Variants in FGF12 observed in about 807,000 individuals in gnomAD.
The protein encoded by FGF12 is fibroblast growth factor 12B.
Under a neutral mutation model 23.6 loss-of-function variants are expected in FGF12, and 14 were observed. The observed-to-expected ratio is 0.59, with a 90% confidence interval of 0.39 to 0.93. The LOEUF is 0.93. Among genes scored for constraint, FGF12 ranks in the 40% least tolerant of loss-of-function variants. The pLI is 0.00. For missense variants in FGF12, 175 were observed against 217.8 expected (o/e 0.80, Z 1.24); for synonymous variants, 62 against 77.3 (o/e 0.80, Z 1.04).
chr3:192,486,219 A>G (rs183134532), intron 2 of FGF12, among the ~76,000 whole-genome samples: 47 of 152,296 alleles, frequency 3.1e-4, no homozygotes, highest in African/African-American at 1.1e-3. Flanking sequence ...CTGGAGTTAT[A>G]TATCAATGAG....
At chr3:192,200,109 G>A (rs1717285380) in intron 4 of FGF12, among the ~76,000 whole-genome samples, 2 of 151,496 alleles carry the variant, frequency 1.3e-5, no homozygotes, top group South Asian at 2.1e-4. Flanking sequence ...CTGAGCTCAG[G>A]AGTTTGTGAC....
rs1050891667 is a variant in FGF12, at chr3:192,439,790, G to C, written c.14-79252C>G. On this transcript the variant is annotated intron_variant, in intron 2 of 5. Transcript: ENST00000445105. ...AGGAGTTCAAGACCAGCCTGGCAAA[G>C]ATGGTGAAACCCCGTCTCTACTAAA... Among the ~76,000 whole-genome samples, 44 of 152,090 alleles carry C rather than the reference G, an allele frequency of 2.9e-4. 1 individual carries two copies. Among genetic ancestry groups the C allele is most frequent in the Admixed American group, 2.6e-3 (40 of 15,282 alleles).
At chr3:192,716,928 G>A (rs1349927381) in intron 2 of FGF12, among the ~76,000 whole-genome samples, 2 of 152,156 alleles carry the variant, frequency 1.3e-5, no homozygotes, top group Non-Finnish European at 2.9e-5. Context: ...CAATGTGAGG[G>A]TTAGAAAAAG....
At chr3:192,442,459 G>A (rs1393283051) in intron 2 of FGF12, among the ~76,000 whole-genome samples, 1 of 152,222 alleles carries the variant, frequency 6.6e-6, no homozygotes, top group Non-Finnish European at 1.5e-5. Context: ...AGACTAAGAT[G>A]TTGGTGAGTC....
At chr3:192,340,247 G>A (rs746829452) in intron 3 of FGF12, among the ~76,000 whole-genome samples, 4 of 151,964 alleles carry the variant, frequency 2.6e-5, no homozygotes, top group Middle Eastern at 3.4e-3. Flanking sequence ...CCCTATTCCT[G>A]GATCCAGACT....
At chr3:192,192,820 A>G (rs571539066) in intron 4 of FGF12, among the ~76,000 whole-genome samples, 2 of 152,336 alleles carry the variant, frequency 1.3e-5, no homozygotes, top group East Asian at 3.9e-4. Context: ...CATATAATAC[A>G]TCAGCGCATA....
At chr3:192,327,675 A>G (rs1394288567) in intron 4 of FGF12, among the ~76,000 whole-genome samples, 1 of 151,774 alleles carries the variant, frequency 6.6e-6, no homozygotes, top group Non-Finnish European at 1.5e-5. Flanking sequence ...TTGCCTAGTT[A>G]TGCGTTCTAG....
intron 2 of FGF12, among the ~76,000 whole-genome samples, chr3:192,530,789 G>A (rs774159494): frequency 6.6e-6 from 1 of 152,076 alleles, no homozygotes; most frequent in East Asian, 1.9e-4. Flanking sequence ...CACATTAAAA[G>A]GGTAAATTTT....
chr3:192,343,894 A>G (rs1252472160), intron 3 of FGF12, among the ~76,000 whole-genome samples: 1 of 152,188 alleles, frequency 6.6e-6, no homozygotes, highest in East Asian at 1.9e-4. Context: ...TAACCCTCTA[A>G]AACAGCATTT....
chr3:192,459,248 C>T lies in FGF12; in HGVS notation c.14-98710G>A, dbSNP rs189851055. Reference sequence around the variant, plus strand: ...TAAATTATCAAATACTGGAGTTGCTCGATTTCACCAACTTAGTTAAGTTAG... The same window carrying T: ...TAAATTATCAAATACTGGAGTTGCTTGATTTCACCAACTTAGTTAAGTTAG... On this transcript the variant is annotated intron_variant, in intron 2 of 5. Coordinates refer to ENST00000445105, the MANE Select transcript of FGF12 (RefSeq NM_004113.6). Among the ~76,000 whole-genome samples, 244 of 152,280 alleles carry T rather than the reference C, an allele frequency of 1.6e-3. 1 individual carries two copies. The highest frequency in any genetic ancestry group is 5.5e-3 in the African/African-American group (227 of 41,556).
intron 2 of FGF12, among the ~76,000 whole-genome samples, chr3:192,411,947 A>C (rs1180433584): frequency 6.6e-6 from 1 of 150,782 alleles, no homozygotes; most frequent in Non-Finnish European, 1.5e-5. Flanking sequence ...GAATGAATAA[A>C]ATATGGCCGG....
At chr3:192,200,871 T>C (rs2108661416) in intron 4 of FGF12, among the ~76,000 whole-genome samples, 1 of 151,420 alleles carries the variant, frequency 6.6e-6, no homozygotes, top group East Asian at 1.9e-4. Context: ...AGTAATAGGC[T>C]CCCATTAGAA....
chr3:192,214,746 A>G (rs1718103508), intron 4 of FGF12, among the ~76,000 whole-genome samples: 1 of 152,270 alleles, frequency 6.6e-6, no homozygotes, highest in Non-Finnish European at 1.5e-5. Context: ...TGTCTTAAAT[A>G]TCAACATTAG....
intron 4 of FGF12, among the ~76,000 whole-genome samples, chr3:192,196,318 C>A (rs534772410): frequency 6.6e-6 from 1 of 152,176 alleles, no homozygotes; most frequent in African/African-American, 2.4e-5. Flanking sequence ...CAAATATTAC[C>A]TTAAAAATTG....
intron 2 of FGF12, among the ~76,000 whole-genome samples, chr3:192,636,214 T>C (rs1715577250): frequency 6.6e-6 from 1 of 152,222 alleles, no homozygotes; most frequent in Non-Finnish European, 1.5e-5. Context: ...TCACCCTAGA[T>C]TGTCAGTTCT....
At chr3:192,167,769 A>ATATATATATATATATATATAT (rs1553845519) in intron 5 of FGF12, among the ~76,000 whole-genome samples, 6 of 38,854 alleles carry the variant, frequency 1.5e-4, no homozygotes, top group African/African-American at 2.9e-4. Context: ...ATATATATAT[A>ATATATATATATATATATATAT]AAATTTTTTT....
chr3:192,653,121 T>C (rs567300420), intron 2 of FGF12, among the ~76,000 whole-genome samples: 10 of 152,310 alleles, frequency 6.6e-5, no homozygotes, highest in Non-Finnish European at 1.0e-4. Context: ...AACACCTATG[T>C]CATATTTAAG....
At chr3:192,223,206 T>G (rs1180141495) in intron 4 of FGF12, among the ~76,000 whole-genome samples, 2 of 152,166 alleles carry the variant, frequency 1.3e-5, no homozygotes, top group Admixed American at 6.6e-5. Context: ...CTAGGAAACT[T>G]ACAGTGACTA....
intron 2 of FGF12, among the ~76,000 whole-genome samples, chr3:192,417,617 A>G (rs1721397596): frequency 6.6e-6 from 1 of 152,154 alleles, no homozygotes; most frequent in African/African-American, 2.4e-5. Context: ...ATCACCTTTG[A>G]TCTCTGATAG....
Sources: allele counts gnomAD v4.1 joint callset (sites outside exome capture counted in the v4.1 genomes callset), GRCh38; gene constraint gnomAD v4.1.1; transcripts MANE v1.5; gene names NCBI Gene and HGNC (gene_info 2026-07-23, HGNC 2026-07-21).